The following SERINC1 variants were observed in gnomAD, a reference collection of about 807,000 sequenced individuals.
The protein encoded by SERINC1 is serine incorporator 1, also known as tumor differentially expressed protein 2.
A neutral mutation model predicts 52.9 loss-of-function variants in SERINC1; 38 were observed. The ratio of observed to expected loss-of-function variants is 0.72; its 90% CI spans 0.55 to 0.94. The LOEUF (loss-of-function observed/expected upper bound fraction) is 0.94. Among genes scored for constraint, SERINC1 ranks in the 40% least tolerant of loss-of-function variants. The pLI is 0.00. For synonymous variants in SERINC1, 198 were observed against 183.1 expected (o/e 1.08, Z -0.66); for missense variants, 471 against 533.9 (o/e 0.88, Z 1.16).
At chr6:122,448,190 G>A (rs1774840946) in intron 7 of SERINC1, among the ~76,000 whole-genome samples, 1 of 151,582 alleles carries the variant, frequency 6.6e-6, no homozygotes, top group Admixed American at 6.6e-5. Context: ...AGCCAGATCT[G>A]TCAAACTCCA....
chr6:122,450,676 G>A (rs2114477079), intron 7 of SERINC1, among the ~76,000 whole-genome samples: 1 of 152,206 alleles, frequency 6.6e-6, no homozygotes, highest in South Asian at 2.1e-4. Context: ...TGATTCATGG[G>A]AAAAAATGTC....
intron 7 of SERINC1, among the ~76,000 whole-genome samples, chr6:122,449,999 A>G (rs1774876926): frequency 6.6e-6 from 1 of 152,208 alleles, no homozygotes; most frequent in African/African-American, 2.4e-5. Context: ...GTGCAACAAG[A>G]GTGAAACTCC....
At chr6:122,456,006 A>C (rs1774986727) in intron 3 of SERINC1, among the ~76,000 whole-genome samples, 2 of 152,176 alleles carry the variant, frequency 1.3e-5, no homozygotes, top group South Asian at 4.1e-4. Context: ...CTAGATAAGC[A>C]ACAGCAGATA....
intron 1 of SERINC1, among the ~76,000 whole-genome samples, chr6:122,464,143 A>G (rs1775149566): frequency 6.6e-6 from 1 of 152,196 alleles, no homozygotes; most frequent in Non-Finnish European, 1.5e-5. Flanking sequence ...TGCCAAGGAC[A>G]GGACAGTGCA....
intron 1 of SERINC1, among the ~76,000 whole-genome samples, chr6:122,462,736 T>C (rs541551): frequency 0.8 from 121,289 of 152,216 alleles, 48,564 homozygotes; most frequent in South Asian, 0.92. Flanking sequence ...GTATTAGTAA[T>C]AACTGAAAAC....
chr6:122,464,249 C>T (rs918737170), intron 1 of SERINC1, among the ~76,000 whole-genome samples: 2 of 152,082 alleles, frequency 1.3e-5, no homozygotes, highest in African/African-American at 4.8e-5. Context: ...GTAAATTCTA[C>T]TGTATGTAAA....
chr6:122,453,603 C>T (rs1301595202), intron 5 of SERINC1, among the ~76,000 whole-genome samples, 167 bp downstream of exon 5: 2 of 152,098 alleles, frequency 1.3e-5, no homozygotes, highest in Admixed American at 1.3e-4. Context: ...GATCTGCTCA[C>T]CAAGTTGCTG....
chr6:122,449,727 G>A (rs1774871093), intron 7 of SERINC1, among the ~76,000 whole-genome samples: 1 of 152,178 alleles, frequency 6.6e-6, no homozygotes, highest in South Asian at 2.1e-4. Flanking sequence ...AATGAAAGTA[G>A]CTACACTGGT....
chr6:122,471,800 C>T lies in SERINC1; in HGVS notation c.-63G>A. ...TGGAGACAGCTTCTTTCTCGCCTTTCCGAGATTATTTACTATCTGCGAGAC... is the reference window on the plus strand; with the variant it reads ...TGGAGACAGCTTCTTTCTCGCCTTTTCGAGATTATTTACTATCTGCGAGAC... On this transcript the variant is annotated 5_prime_UTR_variant, in exon 1 of 10. Coordinates refer to ENST00000339697, the MANE Select transcript of SERINC1 (RefSeq NM_020755.4). The T allele has an allele frequency of 6.2e-7, 1 of 1,612,156 alleles. No homozygotes were observed. The highest frequency in any genetic ancestry group is 8.5e-7 in the Non-Finnish European group (1 of 1,179,502).
At chr6:122,457,901 C>A (rs954619894) in intron 2 of SERINC1, among the ~76,000 whole-genome samples, 2 of 151,842 alleles carry the variant, frequency 1.3e-5, no homozygotes, top group Admixed American at 1.3e-4. Context: ...CCTTCCACAA[C>A]CTGACTCTCT....
rs1238850593 is a variant in SERINC1 at position 122,453,708 on chromosome 6, ACAT to A, written c.589+59_589+61del. The A allele has an allele frequency of 4.2e-5, 59 of 1,392,666 alleles. No homozygotes were observed. In the African/African-American group the frequency reaches 6.8e-4, roughly 16 times the overall value. The allele number at this position is 1,392,666 out of a possible 1,614,324, so 86.3% of individuals were successfully genotyped here. A position where few individuals can be genotyped will look rare whatever the true frequency, so the allele number is the denominator to read the frequency against. ...AAATCCTAAGTGATTTACCTAGTCT[ACAT>A]ATCTATTCTCGACTTCAAAGTTCAA... On this transcript the variant is annotated intron_variant, in intron 5 of 9. Coordinates refer to ENST00000339697, the MANE Select transcript of SERINC1 (RefSeq NM_020755.4).
rs61354710 is a variant in SERINC1 at position 122,464,318 on chromosome 6, A to G, written c.40-5637T>C. On this transcript the variant is annotated intron_variant, in intron 1 of 9. Transcript: ENST00000339697. ...AGAATCCTCTAAATAAATGAATTAAAGGATATTCACAGATCTAATATAAGA... is the reference window on the plus strand; with the variant it reads ...AGAATCCTCTAAATAAATGAATTAAGGGATATTCACAGATCTAATATAAGA... Among the ~76,000 whole-genome samples the G allele has an allele frequency of 1.7e-3, 266 of 152,358 alleles. 11 individuals carry two copies. In the East Asian group the frequency reaches 0.044, roughly 25 times the overall value.
intron 9 of SERINC1, among the ~76,000 whole-genome samples, chr6:122,445,983 A>G (rs992420946): frequency 6.6e-6 from 1 of 151,884 alleles, no homozygotes; most frequent in Admixed American, 6.6e-5. Context: ...AAAAATCAGT[A>G]AAGGCTGCAC....
chr6:122,452,284 T>A (rs1283183922), intron 5 of SERINC1, among the ~76,000 whole-genome samples: 1 of 152,180 alleles, frequency 6.6e-6, no homozygotes, highest in Non-Finnish European at 1.5e-5. Context: ...TTTGCAAGGA[T>A]GGCAAGTTAG....
At chr6:122,448,775 C>T (rs1774853199) in intron 7 of SERINC1, among the ~76,000 whole-genome samples, 1 of 144,058 alleles carries the variant, frequency 6.9e-6, no homozygotes, top group Non-Finnish European at 1.5e-5. Flanking sequence ...CCTTGTTTTA[C>T]TGTGCTTTGC....
intron 3 of SERINC1, among the ~76,000 whole-genome samples, chr6:122,456,055 A>G (rs1291737467): frequency 4.6e-5 from 7 of 152,176 alleles, no homozygotes; most frequent in Non-Finnish European, 1.0e-4. Context: ...GTAGTGCTCT[A>G]TATGAAGGAA....
chr6:122,459,169 A>T (rs1179100323), intron 1 of SERINC1, among the ~76,000 whole-genome samples: 3 of 152,178 alleles, frequency 2.0e-5, no homozygotes, highest in Non-Finnish European at 4.4e-5. Flanking sequence ...AATAATGAAA[A>T]CTACAACTAG....
At position 122,445,139 on chromosome 6, in the gene SERINC1, C is replaced by T; in HGVS notation, c.1267G>A (p.Val423Ile). 1 of 1,614,098 alleles carries T rather than the reference C, an allele frequency of 6.2e-7. No individual in the cohort carries two copies. The highest frequency in any genetic ancestry group is 8.5e-7 in the Non-Finnish European group (1 of 1,179,954). ...CAACTGGAAGAGATTTTCACCCAGACAGCTGTCCACTGACTTTTCATCTCA... is the reference window on the plus strand; with the variant it reads ...CAACTGGAAGAGATTTTCACCCAGATAGCTGTCCACTGACTTTTCATCTCA... ...SREMKSQWTA[V>I]WVKISSSWIG... Residue 423 changes from valine (V) to isoleucine (I), a missense_variant, in exon 10 of 10, where the codon GTC (valine) becomes ATC (isoleucine). Coordinates refer to ENST00000339697, the MANE Select transcript of SERINC1 (RefSeq NM_020755.4).
chr6:122,458,441 A>G, intron 2 of SERINC1, 79 bp downstream of exon 2: 6 of 932,808 alleles, frequency 6.4e-6, no homozygotes, highest in Non-Finnish European at 8.2e-6. Flanking sequence ...TCTGTTTACA[A>G]TATCCCCGAA....
Sources: allele counts gnomAD v4.1 joint callset (sites outside exome capture counted in the v4.1 genomes callset), GRCh38; gene constraint gnomAD v4.1.1; transcripts MANE v1.5; gene names NCBI Gene and HGNC (gene_info 2026-07-23, HGNC 2026-07-21).